Variants in VPS72 observed in about 807,000 individuals in gnomAD.
VPS72 encodes the protein vacuolar protein sorting-associated protein 72 homolog.
Under a neutral mutation model 38.9 loss-of-function variants are expected in VPS72, and 27 were observed. The observed-to-expected ratio is 0.69, with a 90% CI of 0.51 to 0.96. The LOEUF is 0.96. VPS72 is among the 40% of genes least tolerant of loss of function. The pLI is 0.00. For missense variants in VPS72, 360 were observed against 479.5 expected (o/e 0.75, Z 2.33); for synonymous variants, 173 against 186.3 (o/e 0.93, Z 0.58).
chr1:151,189,885 T>C (rs1343727739), intron 1 of VPS72, 120 bp downstream of exon 1: 1 of 1,151,852 alleles, frequency 8.7e-7, no homozygotes, highest in Non-Finnish European at 1.3e-6. Context: ...CCCACCCAAC[T>C]CGAGTATCAG....
At chr1:151,184,559 G>T in intron 3 of VPS72, 66 bp from the exon 4 acceptor site, 8 of 1,424,762 alleles carry the variant, frequency 5.6e-6, no homozygotes, top group South Asian at 1.4e-5. Context: ...TATTTATTTT[G>T]AAATGTTGTA....
chr1:151,184,384 C>T lies in VPS72; in HGVS notation c.495G>A (p.Arg165=), dbSNP rs746439567. 1.2e-6 allele frequency: 2 copies of T among 1,614,104 alleles called. No individual in the cohort carries two copies. The highest frequency in any genetic ancestry group is 3.3e-5 in the Admixed American group (2 of 59,978). The part of the protein sequence containing the change: ...SRRRKGPHCE[R]PLTQEELLRE... ...GGAGCAGTTCCTCCTGGGTTAGTGG[C>T]CGCTCACAGTGGGGCCCCTTTCGCC... Residue 165 remains arginine (R), a synonymous_variant, in exon 4 of 6, where the codon CGG becomes CGA. Transcript: ENST00000368892.
At chr1:151,178,845 G>A (rs587774208) in intron 4 of VPS72, among the ~76,000 whole-genome samples, 4 of 152,224 alleles carry the variant, frequency 2.6e-5, no homozygotes, top group East Asian at 1.9e-4. Flanking sequence ...CCTGGTCTCC[G>A]TGATACTGCT....
At chr1:151,179,111 G>A (rs958062336) in intron 4 of VPS72, among the ~76,000 whole-genome samples, 41 of 151,484 alleles carry the variant, frequency 2.7e-4, no homozygotes, top group Admixed American at 5.9e-4. Flanking sequence ...GTGAAACCCC[G>A]TCTCTACTAA....
chr1:151,176,873 C>A lies in VPS72; in HGVS notation c.866G>T (p.Arg289Leu). The A allele has an allele frequency of 6.2e-7, 1 of 1,614,090 alleles. No homozygotes were observed. The stretch of plus-strand genomic sequence containing the variant: ...ACGATGGGTCACTGGACAGACCTCA[C>A]GAACAGGGACTTTTGGGGGCCGCCC... ...PQGRPPKVPV[R>L]EVCPVTHRPA... Residue 289 changes from arginine (R) to leucine (L), a missense_variant, in exon 6 of 6, where the codon CGT becomes CTT. Arg to Leu is a moderately radical substitution (Grantham distance 102). This residue lies in a region of VPS72 where 294 missense variants were observed against 356.3 expected (regional missense o/e 0.83). Coordinates refer to ENST00000368892, the MANE Select transcript of VPS72 (RefSeq NM_005997.3).
At position 151,176,936 on chromosome 1, in the gene VPS72, A is replaced by G. The variant is rs1328446965; in HGVS notation, c.803T>C (p.Phe268Ser). ...PARCSRTFIT[F>S]SDDATFEEWF... ...TTCCTCGAAAGTTGCATCATCACTA[A>G]AAGTGATGAAGGTACGTGAGCAGCG... Residue 268 changes from phenylalanine to serine, a missense_variant, in exon 6 of 6, where the codon TTT becomes TCT. By Grantham distance (155) the Phe-to-Ser change is radical (BLOSUM62 -2). This residue lies in a region of VPS72 where 294 missense variants were observed against 356.3 expected (regional missense o/e 0.83). Transcript: ENST00000368892. 5 of 1,613,594 alleles carry G rather than the reference A, an allele frequency of 3.1e-6. No homozygotes were observed.
rs1443062299 is a variant in VPS72, at chr1:151,177,988, G to A, written c.707+13C>T. On this transcript the variant is annotated intron_variant, in intron 5 of 5. Transcript: ENST00000368892. ...TGAACACACAATCTCTTTTCCTCTT[G>A]AGATTCACTCACCCTTCTATGTCAA... is the stretch of plus-strand genomic sequence containing the variant. 6.2e-7 allele frequency: 1 copy of A among 1,612,360 alleles called. No homozygotes were observed. Among genetic ancestry groups the A allele is most frequent in the Non-Finnish European group, 8.5e-7 (1 of 1,179,182 alleles).
At chr1:151,185,702 T>A in intron 2 of VPS72, 82 bp from the exon 3 acceptor site, 2 of 1,607,920 alleles carry the variant, frequency 1.2e-6, no homozygotes, top group Non-Finnish European at 1.7e-6. Context: ...AAAACTAGCA[T>A]TGCCAGAAAT....
At chr1:151,181,006 T>G (rs1338002666) in intron 4 of VPS72, among the ~76,000 whole-genome samples, 1 of 152,136 alleles carries the variant, frequency 6.6e-6, no homozygotes, top group African/African-American at 2.4e-5. Flanking sequence ...ACCAGCAAAC[T>G]CCCTTCTCTT....
At chr1:151,183,044 A>G (rs916921878) in intron 4 of VPS72, among the ~76,000 whole-genome samples, 1 of 152,166 alleles carries the variant, frequency 6.6e-6, no homozygotes, top group Non-Finnish European at 1.5e-5. Context: ...AACTCCTTAA[A>G]TTCAACATGT....
chr1:151,179,001 G>C (rs1048016649), intron 4 of VPS72, among the ~76,000 whole-genome samples: 1 of 152,186 alleles, frequency 6.6e-6, no homozygotes, highest in Admixed American at 6.5e-5. Context: ...ATGAATCAAG[G>C]CTGGGCACAG....
chr1:151,176,740 C>T lies in VPS72; in HGVS notation c.999G>A (p.Pro333=), dbSNP rs199721751. ...YKKYITAHGL[P]PTASALGPGP... is the part of the protein sequence containing the mutation. ...CGGGGCCCAGGGCTGAGGCAGTGGG[C>T]GGCAGTCCATGGGCAGTAATGTACT... The change falls in exon 6 of 6, where the codon CCG becomes CCA. Residue 333 remains proline (P), a synonymous_variant. Transcript: ENST00000368892. The T allele has an allele frequency of 1.4e-5, 23 of 1,614,108 alleles. No homozygotes were observed. The highest frequency in any genetic ancestry group is 1.2e-4 in the Admixed American group (7 of 59,994).
intron 4 of VPS72, among the ~76,000 whole-genome samples, chr1:151,180,777 C>T (rs1250136988): frequency 6.6e-6 from 1 of 152,190 alleles, no homozygotes; most frequent in Non-Finnish European, 1.5e-5. Context: ...CCCTCTGGAA[C>T]TCGTGCTCTG....
chr1:151,178,170 G>A (rs774840698), intron 4 of VPS72, 25 bp from the exon 5 acceptor site: 4 of 1,610,618 alleles, frequency 2.5e-6, no homozygotes, highest in Non-Finnish European at 3.4e-6. Context: ...GAAGAAATGA[G>A]GGGATGATCA....
intron 5 of VPS72, among the ~76,000 whole-genome samples, chr1:151,177,494 T>C (rs944148835): frequency 6.6e-6 from 1 of 150,928 alleles, no homozygotes; most frequent in East Asian, 2.0e-4. Context: ...ACTAAGTGAC[T>C]GATGGGAAAA....
chr1:151,176,313 G>A lies in VPS72; in HGVS notation c.*331C>T. ...TCAATACAAGGATGTGTTTTGGTGT[G>A]CAATTTTCAGATGTTTATAATTTAG... On this transcript the variant is annotated 3_prime_UTR_variant, in exon 6 of 6. Transcript: ENST00000368892. 1 of 301,160 alleles carries A rather than the reference G, an allele frequency of 3.3e-6. No individual in the cohort carries two copies. The highest frequency in any genetic ancestry group is 4.1e-5 in the South Asian group (1 of 24,680). The allele number at this position is 301,160 out of a possible 1,614,324, so 18.7% of individuals were successfully genotyped here.
rs964009353 is a variant in VPS72, at chr1:151,182,433, AC to A, written c.562+1883del. ...TCTCCAAAAACCTACACTATTAATA[AC>A]CGTTTTTTCTTCTCTTTCTTTAAAC... On this transcript the variant is annotated intron_variant, in intron 4 of 5. Coordinates refer to ENST00000368892, the MANE Select transcript of VPS72 (RefSeq NM_005997.3). 4.6e-5 allele frequency among the ~76,000 whole-genome samples: 7 copies of A among 152,176 alleles called. No individual in the cohort carries two copies. The South Asian group carries it at 1.0e-3, about 23-fold the overall frequency.
intron 4 of VPS72, among the ~76,000 whole-genome samples, chr1:151,182,346 C>G (rs780241432): frequency 1.3e-5 from 2 of 152,010 alleles, no homozygotes; most frequent in African/African-American, 2.4e-5. Flanking sequence ...TTTCTTTCTC[C>G]CTTCCCCCAT....
Position 151,184,299 on chromosome 1 carries a change from C to A in VPS72, c.562+18G>T, listed in dbSNP as rs751541822. 4 of 1,610,666 alleles carry A rather than the reference C, an allele frequency of 2.5e-6. No individual in the cohort carries two copies. The South Asian group carries it at 4.4e-5, about 18-fold the overall frequency. On this transcript the variant is annotated intron_variant, in intron 4 of 5. Transcript: ENST00000368892. ...CCCTCAGCCCCTCTACTCACTTTTTCTGAAACCACAGACTTACCCAGTGAC... is the reference window on the plus strand; with the variant it reads ...CCCTCAGCCCCTCTACTCACTTTTTATGAAACCACAGACTTACCCAGTGAC...
Sources: allele counts gnomAD v4.1 joint callset (sites outside exome capture counted in the v4.1 genomes callset), GRCh38; gene constraint gnomAD v4.1.1; regional missense constraint gnomAD v4.1.1; transcripts MANE v1.5; gene names NCBI Gene and HGNC (gene_info 2026-07-23, HGNC 2026-07-21).